The following TARS3 variants were observed in gnomAD, a reference collection of about 807,000 sequenced individuals.
TARS3 encodes threonyl-tRNA synthetase 3.
TARS3 carries 94 observed loss-of-function variants against 103.5 expected under a neutral mutation model. The observed-to-expected ratio is 0.91, with a 90% CI of 0.77 to 1.08. TARS3 has a LOEUF of 1.08. Ranked by LOEUF, TARS3 falls within the 50% of genes least tolerant of loss-of-function variation. The pLI is 0.00. For missense variants in TARS3, 952 were observed against 995.2 expected, an observed-to-expected ratio of 0.96 and a Z score of 0.58; for synonymous variants, 416 against 355.4, an observed-to-expected ratio of 1.17 and a Z score of -1.92.
chr15:101,665,351 G>C (rs1025961798), intron 15 of TARS3, among the ~76,000 whole-genome samples: 2 of 146,122 alleles, frequency 1.4e-5, no homozygotes, highest in African/African-American at 5.4e-5. Flanking sequence ...ATAAAAGCCA[G>C]CAGCATGTGT....
chr15:101,699,553 A>C, intron 10 of TARS3: 1 of 421,814 alleles, frequency 2.4e-6, no homozygotes, highest in Non-Finnish European at 4.7e-6. Flanking sequence ...TTTTCCAGAG[A>C]AGACAGCACA....
chr15:101,699,018 G>A (rs1317741130), intron 10 of TARS3, among the ~76,000 whole-genome samples: 2 of 152,280 alleles, frequency 1.3e-5, no homozygotes, highest in South Asian at 2.1e-4. Flanking sequence ...ATCTCTGATC[G>A]AATTCAATGA....
chr15:101,696,156 A>G (rs982444200), intron 10 of TARS3: 1 of 136,086 alleles, frequency 7.3e-6, no homozygotes, highest in Non-Finnish European at 1.5e-5. Context: ...GCTTGCAGTG[A>G]GCTGAGATCG....
chr15:101,690,465 T>A (rs1385198120), intron 10 of TARS3, among the ~76,000 whole-genome samples: 3 of 152,242 alleles, frequency 2.0e-5, no homozygotes, highest in African/African-American at 7.2e-5. Context: ...CTGCTGTTCC[T>A]GTATTTCAAC....
intron 1 of TARS3, among the ~76,000 whole-genome samples, chr15:101,723,696 C>G (rs1900606909): frequency 6.6e-6 from 1 of 152,130 alleles, no homozygotes; most frequent in Admixed American, 6.5e-5. Flanking sequence ...CCAAAAAAAA[C>G]CCAACAACAA....
chr15:101,671,995 G>C (rs182345145), intron 13 of TARS3, among the ~76,000 whole-genome samples: 19 of 152,218 alleles, frequency 1.2e-4, no homozygotes, highest in African/African-American at 4.6e-4. Flanking sequence ...TTGTTCCAGT[G>C]AATTCCAGGT....
chr15:101,683,404 CATTTT>C (rs2141405310), intron 12 of TARS3, among the ~76,000 whole-genome samples: 1 of 152,292 alleles, frequency 6.6e-6, no homozygotes, highest in East Asian at 1.9e-4. Flanking sequence ...GTTAATTAAA[CATTTT>C]ATTTTAATTG....
intron 12 of TARS3, among the ~76,000 whole-genome samples, chr15:101,683,508 T>C (rs1215632813): frequency 1.3e-5 from 2 of 152,212 alleles, no homozygotes; most frequent in African/African-American, 4.8e-5. Flanking sequence ...AAAGAACAAA[T>C]ACTCTGAGCT....
At chr15:101,718,166 C>T (rs900781372) in intron 3 of TARS3, among the ~76,000 whole-genome samples, 2 of 152,054 alleles carry the variant, frequency 1.3e-5, no homozygotes, top group South Asian at 2.1e-4. Context: ...GTTGGAAGTT[C>T]GAGACCAGCC....
chr15:101,675,732 T>C lies in TARS3; in HGVS notation c.1656A>G (p.Glu552=), dbSNP rs757296878. Residue 552 remains glutamate (E), a synonymous_variant, in exon 13 of 19, where the codon GAA becomes GAG. Transcript: ENST00000335968. ...ACTGCAAACACCCCTTTATTTCTTC[T>C]TCAATCTGAAATCAAAGCAAATGAA... The part of the protein sequence containing the change: ...AHIFCTVEQI[E]EEIKGCLQFL... The C allele has an allele frequency of 1.9e-6, 3 of 1,606,674 alleles. No individual in the cohort carries two copies. The highest frequency in any genetic ancestry group is 2.2e-5 in the South Asian group (2 of 88,920).
At chr15:101,661,151 C>A (rs1202070025) in intron 16 of TARS3, among the ~76,000 whole-genome samples, 1 of 152,170 alleles carries the variant, frequency 6.6e-6, no homozygotes, top group Non-Finnish European at 1.5e-5. Flanking sequence ...AAAAAGACCA[C>A]AAGATGCACC....
In TARS3 at chr15:101,684,118, C is replaced by T. The variant is rs749613889; in HGVS notation, c.1607G>A (p.Arg536His). ...AATGTGAGCATCGTCCTGCTGGAAG[C>T]GCCTCACTCTGGTCAAGCCGCTGAG... ...GTLSGLTRVR[R>H]FQQDDAHIFC... Residue 536 changes from arginine (R) to histidine (H), a missense_variant, in exon 12 of 19, where the codon CGC becomes CAC. This residue lies in a region of TARS3 where 540 missense variants were observed against 631.0 expected (regional missense o/e 0.86). Coordinates refer to ENST00000335968, the MANE Select transcript of TARS3 (RefSeq NM_152334.3). 1.1e-5 allele frequency: 18 copies of T among 1,613,440 alleles called. No individual in the cohort carries two copies. The highest frequency in any genetic ancestry group is 4.4e-5 in the South Asian group (4 of 91,006).
At chr15:101,665,011 A>G (rs1897525604) in intron 15 of TARS3, among the ~76,000 whole-genome samples, 1 of 152,366 alleles carries the variant, frequency 6.6e-6, no homozygotes, top group Middle Eastern at 3.4e-3. Flanking sequence ...GATGGTAAAG[A>G]GTTGGTGAAT....
intron 10 of TARS3, among the ~76,000 whole-genome samples, chr15:101,699,160 T>C (rs758256256): frequency 1.3e-5 from 2 of 152,146 alleles, no homozygotes; most frequent in Non-Finnish European, 2.9e-5. Flanking sequence ...ACAACCATAA[T>C]AACAAAAAAC....
At chr15:101,702,674 G>C (rs141722720) in intron 8 of TARS3, among the ~76,000 whole-genome samples, 35 of 152,316 alleles carry the variant, frequency 2.3e-4, no homozygotes, top group African/African-American at 8.4e-4. Context: ...GGAGACTGGG[G>C]CAGGAGGACT....
rs1258570785 is a variant in TARS3 at position 101,712,132 on chromosome 15, G to C, written c.691-131C>G. ...AGACCAAGGGCAGCAACATCAACTT[G>C]AAAGGAAAATCTTCGATGCCCACTT... is the stretch of plus-strand genomic sequence containing the variant. On this transcript the variant is annotated intron_variant, in intron 4 of 18. Transcript: ENST00000335968. 5.0e-6 allele frequency: 5 copies of C among 990,588 alleles called. No homozygotes were observed. The East Asian group carries it at 1.1e-4, about 21-fold the overall frequency. The allele number at this position is 990,588 out of a possible 1,614,324, so 61.4% of individuals were successfully genotyped here. A position where few individuals can be genotyped will look rare whatever the true frequency, so the allele number is the denominator to read the frequency against.
intron 12 of TARS3, among the ~76,000 whole-genome samples, chr15:101,678,227 C>T (rs1343583269): frequency 6.6e-6 from 1 of 152,130 alleles, no homozygotes; most frequent in Non-Finnish European, 1.5e-5. Context: ...ATCTGCCTGC[C>T]TCAGCCTCCC....
intron 12 of TARS3, among the ~76,000 whole-genome samples, chr15:101,678,847 G>T (rs1187875113): frequency 6.6e-6 from 1 of 151,734 alleles, no homozygotes; most frequent in Non-Finnish European, 1.5e-5. Flanking sequence ...CATTCTTTTG[G>T]TGGGTCCAAT....
At chr15:101,663,287 C>T (rs1469089801) in intron 15 of TARS3, among the ~76,000 whole-genome samples, 1 of 152,200 alleles carries the variant, frequency 6.6e-6, no homozygotes, top group Non-Finnish European at 1.5e-5. Flanking sequence ...TGGTGTCCTG[C>T]ACCCAAGGAA....
Sources: gnomAD v4.1 joint callset for allele counts (sites outside exome capture counted in the v4.1 genomes callset) on GRCh38, gnomAD v4.1.1 for gene constraint, gnomAD v4.1.1 regional missense constraint, MANE v1.5 for transcripts, NCBI Gene and HGNC (gene_info 2026-07-23, HGNC 2026-07-21) for gene names.